The following ARB2A variants were observed in gnomAD, a reference collection of about 807,000 sequenced individuals.
The protein encoded by ARB2A is cotranscriptional regulator ARB2A.
the ARB2A span, among the ~76,000 whole-genome samples, chr5:93,762,094 G>A: frequency 6.6e-6 from 1 of 152,152 alleles, no homozygotes; most frequent in Non-Finnish European, 1.5e-5. Flanking sequence ...AAACCACAAA[G>A]ATGGGGAAGA....
the ARB2A span, among the ~76,000 whole-genome samples, chr5:93,636,808 G>A: frequency 6.6e-6 from 1 of 152,048 alleles, no homozygotes; most frequent in Non-Finnish European, 1.5e-5. Context: ...ATCCAAAGAG[G>A]ATTTGCACTT....
chr5:94,055,695 G>T, the ARB2A span: 2 of 985,238 alleles, frequency 2.0e-6, no homozygotes, highest in Non-Finnish European at 2.4e-6. Context: ...AGACAGAAGG[G>T]TTTTAATATC....
At chr5:93,759,340 C>A in the ARB2A span, among the ~76,000 whole-genome samples, 1 of 152,142 alleles carries the variant, frequency 6.6e-6, no homozygotes, top group Non-Finnish European at 1.5e-5. Context: ...TGTACCAATC[C>A]TTTTGACACT....
At chr5:93,960,013 C>T in the ARB2A span, among the ~76,000 whole-genome samples, 2 of 149,976 alleles carry the variant, frequency 1.3e-5, no homozygotes, top group Admixed American at 1.3e-4. Flanking sequence ...AACGTAATAG[C>T]TCTTCACTTT....
chr5:94,081,689 C>T, the ARB2A span, among the ~76,000 whole-genome samples: 1 of 151,908 alleles, frequency 6.6e-6, no homozygotes, highest in Admixed American at 6.6e-5. Context: ...TTTCAGGAGT[C>T]GGGGGAAGAG....
the ARB2A span, among the ~76,000 whole-genome samples, chr5:93,843,705 A>G: frequency 6.6e-6 from 1 of 152,198 alleles, no homozygotes; most frequent in African/African-American, 2.4e-5. Context: ...CTTTCAAATT[A>G]AAAGCAAAAC....
At chr5:94,002,681 C>T in the ARB2A span, among the ~76,000 whole-genome samples, 2 of 151,094 alleles carry the variant, frequency 1.3e-5, no homozygotes, top group East Asian at 1.9e-4. Context: ...TTCTCAAATG[C>T]TAGACTAGAA....
chr5:94,094,284 T>C, the ARB2A span, among the ~76,000 whole-genome samples: 19 of 152,176 alleles, frequency 1.2e-4, no homozygotes, highest in Non-Finnish European at 2.6e-4. Flanking sequence ...CTTTTCCTGG[T>C]TTGCAGATTT....
chr5:93,826,643 G>T, the ARB2A span, among the ~76,000 whole-genome samples: 23 of 151,888 alleles, frequency 1.5e-4, no homozygotes, highest in African/African-American at 5.6e-4. Flanking sequence ...TGTGCACAAT[G>T]TGCAGGTTTG....
chr5:93,922,696 A>AGGG, the ARB2A span, among the ~76,000 whole-genome samples: 1 of 140,570 alleles, frequency 7.1e-6, no homozygotes, highest in African/African-American at 2.7e-5. Flanking sequence ...GGGAGGGAGG[A>AGGG]AGGAAAGAAA....
the ARB2A span, among the ~76,000 whole-genome samples, chr5:93,678,291 T>C: frequency 1.3e-5 from 2 of 152,152 alleles, no homozygotes; most frequent in East Asian, 1.9e-4. Context: ...ACAACAAAAT[T>C]ATAGAATTCA....
At chr5:93,631,340 T>C in the ARB2A span, among the ~76,000 whole-genome samples, 1 of 152,216 alleles carries the variant, frequency 6.6e-6, no homozygotes, top group African/African-American at 2.4e-5. Flanking sequence ...ACAGCTGTTA[T>C]AGAAATGTTT....
chr5:93,766,390 G>A, the ARB2A span, among the ~76,000 whole-genome samples: 2 of 152,012 alleles, frequency 1.3e-5, no homozygotes, highest in South Asian at 2.1e-4. Flanking sequence ...ATATGAACAG[G>A]AACTTCTCAA....
chr5:93,828,779 T>A, the ARB2A span, among the ~76,000 whole-genome samples: 3 of 152,294 alleles, frequency 2.0e-5, no homozygotes, highest in Middle Eastern at 0.01. Flanking sequence ...CTCCTATATC[T>A]ATTTTTTTAT....
the ARB2A span, among the ~76,000 whole-genome samples, chr5:94,062,554 C>T: frequency 6.6e-6 from 1 of 152,204 alleles, no homozygotes; most frequent in African/African-American, 2.4e-5. Context: ...ACCACAGACC[C>T]CTGCAATCCT....
chr5:93,993,284 A>G, the ARB2A span, among the ~76,000 whole-genome samples: 1 of 152,082 alleles, frequency 6.6e-6, no homozygotes, highest in African/African-American at 2.4e-5. Context: ...CCAGAGAGAC[A>G]GCTGTTTTTT....
At chr5:93,988,944 G>A in the ARB2A span, among the ~76,000 whole-genome samples, 13 of 152,096 alleles carry the variant, frequency 8.5e-5, no homozygotes, top group African/African-American at 1.2e-4. Context: ...TTTTCTAAAC[G>A]TGTATATTAC....
the ARB2A span, among the ~76,000 whole-genome samples, chr5:93,632,740 A>G: frequency 1.3e-5 from 2 of 152,206 alleles, no homozygotes; most frequent in Middle Eastern, 3.2e-3. Context: ...GAGTACAAAA[A>G]TTCAGTTACT....
At chr5:93,824,469 A>G in the ARB2A span, among the ~76,000 whole-genome samples, 1 of 152,156 alleles carries the variant, frequency 6.6e-6, no homozygotes, top group African/African-American at 2.4e-5. Flanking sequence ...GTAAAAAAAT[A>G]GAATTAAAAG....
Sources: gnomAD v4.1 joint callset for allele counts (sites outside exome capture counted in the v4.1 genomes callset) on GRCh38, gnomAD v4.1.1 for gene constraint, MANE v1.5 for transcripts, NCBI Gene and HGNC (gene_info 2026-07-23, HGNC 2026-07-21) for gene names.